The following MAGI1 variants were observed in gnomAD, a reference collection of about 807,000 sequenced individuals.
The protein encoded by MAGI1 is membrane-associated guanylate kinase, WW and PDZ domain-containing protein 1.
In MAGI1, 58 loss-of-function variants were observed where a neutral mutation model predicts 139.9. That is an observed-to-expected ratio of 0.41 (90% CI 0.34 to 0.52). The LOEUF (loss-of-function observed/expected upper bound fraction) is 0.52, where lower values mean the gene tolerates loss of function less well. MAGI1 is among the 20% of genes least tolerant of loss of function. The probability of loss-of-function intolerance (pLI) is 0.12; values close to 1 mark genes in which losing one functional copy is unlikely to be tolerated. For missense variants in MAGI1, 1,874 were observed against 1,901.6 expected (o/e 0.99, Z 0.27); for synonymous variants, 812 against 737.9 (o/e 1.10, Z -1.63).
intron 2 of MAGI1, among the ~76,000 whole-genome samples, chr3:65,594,729 T>C (rs1014526106): frequency 6.6e-6 from 1 of 152,190 alleles, no homozygotes; most frequent in Non-Finnish European, 1.5e-5. Flanking sequence ...GATTACTAAA[T>C]GAACAGAATT....
chr3:65,694,945 T>C (rs1465081591), intron 1 of MAGI1, among the ~76,000 whole-genome samples: 1 of 152,224 alleles, frequency 6.6e-6, no homozygotes, highest in Non-Finnish European at 1.5e-5. Flanking sequence ...TATTAGCCAC[T>C]ACCACATTCA....
At chr3:65,852,738 GGTGATCT>G (rs1310138292) in intron 1 of MAGI1, among the ~76,000 whole-genome samples, 37 of 151,920 alleles carry the variant, frequency 2.4e-4, no homozygotes, top group Middle Eastern at 3.4e-3. Context: ...CCCGACCTCA[GGTGATCT>G]GCCCGCCTAG....
intron 1 of MAGI1, among the ~76,000 whole-genome samples, chr3:65,739,265 C>G (rs1189372658): frequency 6.6e-6 from 1 of 152,206 alleles, no homozygotes; most frequent in East Asian, 1.9e-4. Context: ...CAGCTTCAAA[C>G]TTTTCTTCTG....
intron 2 of MAGI1, among the ~76,000 whole-genome samples, chr3:65,570,105 T>G (rs948213382): frequency 6.1e-5 from 9 of 147,234 alleles, no homozygotes; most frequent in Admixed American, 4.8e-4. Flanking sequence ...ATTATTATTA[T>G]TATTATTATT....
intron 1 of MAGI1, among the ~76,000 whole-genome samples, chr3:65,991,821 C>G (rs1364146261): frequency 6.6e-6 from 1 of 152,036 alleles, no homozygotes; most frequent in Non-Finnish European, 1.5e-5. Flanking sequence ...TTGAGACCAG[C>G]CTGGCCAACA....
At chr3:65,393,143 C>T (rs539203656) in intron 13 of MAGI1, among the ~76,000 whole-genome samples, 1 of 152,182 alleles carries the variant, frequency 6.6e-6, no homozygotes, top group African/African-American at 2.4e-5. Context: ...GCTCTGCCAA[C>T]TTCAACAGTT....
At chr3:65,683,898 C>G (rs1343487212) in intron 1 of MAGI1, among the ~76,000 whole-genome samples, 1 of 151,114 alleles carries the variant, frequency 6.6e-6, no homozygotes, top group Non-Finnish European at 1.5e-5. Context: ...TAAGAAAACT[C>G]ACACTCATGT....
intron 1 of MAGI1, among the ~76,000 whole-genome samples, chr3:65,726,443 A>G (rs755299811): frequency 4.6e-5 from 7 of 152,224 alleles, no homozygotes; most frequent in Non-Finnish European, 1.0e-4. Context: ...AAGTAGATTC[A>G]GAAACTCTAC....
intron 2 of MAGI1, among the ~76,000 whole-genome samples, chr3:65,534,673 T>C (rs932762422): frequency 6.6e-6 from 1 of 152,066 alleles, no homozygotes; most frequent in Non-Finnish European, 1.5e-5. Flanking sequence ...ACACATACAG[T>C]AAGCACTCAA....
At chr3:65,461,645 C>T (rs562344875) in intron 5 of MAGI1, among the ~76,000 whole-genome samples, 16 of 152,068 alleles carry the variant, frequency 1.1e-4, no homozygotes, top group African/African-American at 1.7e-4. Flanking sequence ...CCCGCCACCA[C>T]GCCTGGCTAA....
At chr3:65,897,663 C>G (rs1335157278) in intron 1 of MAGI1, among the ~76,000 whole-genome samples, 1 of 151,668 alleles carries the variant, frequency 6.6e-6, no homozygotes, top group Non-Finnish European at 1.5e-5. Flanking sequence ...TAAAAAACAA[C>G]AACAACAACA....
At position 65,356,776 on chromosome 3, in the gene MAGI1, G is replaced by A. The variant is rs759490528; in HGVS notation, c.3991C>T (p.Arg1331Cys). 16 of 1,607,320 alleles carry A rather than the reference G, an allele frequency of 1.0e-5. No homozygotes were observed. Among genetic ancestry groups the A allele is most frequent in the Non-Finnish European group, 1.4e-5 (16 of 1,176,892 alleles). The change falls in exon 23 of 23, where the codon CGC becomes TGC. Residue 1331 changes from arginine to cysteine, a missense_variant. Arg to Cys is a radical substitution (Grantham distance 180). Around this residue, in one of 5 missense-constraint regions of MAGI1, gnomAD observed 653 missense variants for 644.5 expected, o/e 1.01. Transcript: ENST00000402939. Reference protein sequence around the residue: ...RSPEKRREGTRSADNTLERRE... With the variant: ...RSPEKRREGTCSADNTLERRE... ...CTCTCCAAAGTGTTGTCGGCGCTGC[G>A]GGTGCCCTCCCTCCGCTTCTCTGGG... is the stretch of plus-strand genomic sequence containing the variant.
intron 1 of MAGI1, among the ~76,000 whole-genome samples, chr3:65,637,737 T>C (rs1275260456): frequency 6.6e-6 from 1 of 152,198 alleles, no homozygotes; most frequent in African/African-American, 2.4e-5. Flanking sequence ...CAGCACGGTT[T>C]AGGGCTGGGA....
intron 1 of MAGI1, among the ~76,000 whole-genome samples, chr3:66,002,110 C>T (rs1179450245): frequency 1.3e-5 from 2 of 152,170 alleles, no homozygotes; most frequent in Non-Finnish European, 2.9e-5. Context: ...ACAAAAATCT[C>T]TTGGCAATAA....
intron 12 of MAGI1, among the ~76,000 whole-genome samples, chr3:65,413,306 A>G (rs1945936939): frequency 6.6e-6 from 1 of 152,206 alleles, no homozygotes; most frequent in African/African-American, 2.4e-5. Flanking sequence ...TACCATATCA[A>G]GCTTTACTCC....
At chr3:65,546,984 T>C (rs2079535701) in intron 2 of MAGI1, among the ~76,000 whole-genome samples, 3 of 152,214 alleles carry the variant, frequency 2.0e-5, no homozygotes, top group East Asian at 3.8e-4. Flanking sequence ...TGAGGATGCA[T>C]GTACATGTAT....
intron 2 of MAGI1, among the ~76,000 whole-genome samples, chr3:65,599,155 G>A (rs1485782636): frequency 6.6e-6 from 1 of 152,112 alleles, no homozygotes; most frequent in African/African-American, 2.4e-5. Context: ...AAGGAAGCAA[G>A]GGCATACCTC....
chr3:65,490,644 G>C (rs1022201251), intron 3 of MAGI1, among the ~76,000 whole-genome samples: 5 of 151,772 alleles, frequency 3.3e-5, no homozygotes, highest in African/African-American at 4.8e-5. Flanking sequence ...ATGAGATCGA[G>C]ACCATCCTGG....
intron 1 of MAGI1, among the ~76,000 whole-genome samples, chr3:65,949,016 G>A (rs1272818109): frequency 6.6e-6 from 1 of 152,218 alleles, no homozygotes; most frequent in Non-Finnish European, 1.5e-5. Context: ...GACAGGCAAA[G>A]ATGGCAGCTG....
Sources: gnomAD v4.1 joint callset for allele counts (sites outside exome capture counted in the v4.1 genomes callset) on GRCh38, gnomAD v4.1.1 for gene constraint, gnomAD v4.1.1 regional missense constraint, MANE v1.5 for transcripts, NCBI Gene and HGNC (gene_info 2026-07-23, HGNC 2026-07-21) for gene names.